The following CD82 variants were observed in gnomAD, a reference collection of about 807,000 sequenced individuals.
The protein encoded by CD82 is CD82 molecule.
In CD82, 36 loss-of-function variants were observed where a neutral mutation model predicts 37.4. The observed-to-expected ratio is 0.96, with a 90% confidence interval of 0.74 to 1.27. The LOEUF (loss-of-function observed/expected upper bound fraction) is 1.27, where lower values mean the gene tolerates loss of function less well. CD82 is among the 50% of genes most tolerant of loss of function. The pLI, the probability that CD82 is intolerant of heterozygous loss-of-function variation, is 0.00. For synonymous variants in CD82, 158 were observed against 137.4 expected (o/e 1.15, Z -1.05); for missense variants, 340 against 347.0 (o/e 0.98, Z 0.16).
Position 44,597,240 on chromosome 11 carries a change from C to G in CD82, c.63+2515C>G, listed in dbSNP as rs1223272273. Among the ~76,000 whole-genome samples, 1 of 152,204 alleles carries G rather than the reference C, an allele frequency of 6.6e-6. No individual in the cohort carries two copies. The highest frequency in any genetic ancestry group is 2.4e-5 in the African/African-American group (1 of 41,456). On this transcript the variant is annotated intron_variant, in intron 3 of 9. Transcript: ENST00000227155. This position sits in a 1 kb window ranked among gnomAD's most constrained non-coding sequence, Gnocchi z 4.1. The stretch of plus-strand genomic sequence containing the variant: ...GACTCCAGACTCCCCAGCGCATTGC[C>G]ACTTTTCTCAGGTCCAAAGGAATGC...
chr11:44,616,790 G>C (rs1853570800), intron 7 of CD82, among the ~76,000 whole-genome samples: 1 of 152,202 alleles, frequency 6.6e-6, no homozygotes. Flanking sequence ...TGTGCTGCTG[G>C]GGACCAGGTA....
intron 6 of CD82, 38 bp downstream of exon 6, chr11:44,605,467 C>T: frequency 1.3e-6 from 2 of 1,577,932 alleles, no homozygotes; most frequent in Non-Finnish European, 8.7e-7. Flanking sequence ...CTGGGCTGGA[C>T]CAACCATGGG....
intron 4 of CD82, among the ~76,000 whole-genome samples, chr11:44,602,672 G>GA (rs58115115): frequency 2.6e-5 from 4 of 151,834 alleles, no homozygotes; most frequent in Admixed American, 6.6e-5. Flanking sequence ...ACTAAAAGGT[G>GA]AAAAAAAAAT....
chr11:44,607,325 G>A (rs1288508856), intron 6 of CD82, among the ~76,000 whole-genome samples: 1 of 152,256 alleles, frequency 6.6e-6, no homozygotes, highest in East Asian at 1.9e-4. Context: ...AGTGGATTTT[G>A]TAGATGAAAA....
chr11:44,603,000 CT>C (rs1853329590), intron 4 of CD82, among the ~76,000 whole-genome samples: 1 of 152,184 alleles, frequency 6.6e-6, no homozygotes, highest in African/African-American at 2.4e-5. Flanking sequence ...AGGCAGGATG[CT>C]TTGGATAAAG....
rs34170190 is a variant in CD82 at position 44,605,107 on chromosome 11, G to A, written c.186G>A (p.Val62=). ...TGGGGGCCTATGTCTTCATCGGCGT[G>A]GGGGCAGTCACTATGCTCATGGGCT... is the stretch of plus-strand genomic sequence containing the variant. ...LRMGAYVFIG[V]GAVTMLMGFL... is the part of the protein sequence containing the mutation. The change falls in exon 5 of 10, where the codon GTG becomes GTA. Residue 62 remains valine (V), a synonymous_variant. Transcript: ENST00000227155. The A allele has an allele frequency of 2.1e-3, 3,327 of 1,614,182 alleles. 75 individuals carry two copies. In the African/African-American group the frequency reaches 0.038, roughly 19 times the overall value.
rs1565097275 is a variant in CD82, at chr11:44,618,715, A to G, written c.718A>G (p.Ile240Val). The part of the protein sequence containing the change: ...IILGVGVGVA[I>V]IELLGMVLSI... ...CCTCGGCGTGGGCGTGGGTGTGGCC[A>G]TCATCGAGGTCTGAGCCCCCTCCCC... is the stretch of plus-strand genomic sequence containing the variant. Residue 240 changes from isoleucine (I) to valine (V), a missense_variant, in exon 9 of 10, where the codon ATC becomes GTC. Coordinates refer to ENST00000227155, the MANE Select transcript of CD82 (RefSeq NM_002231.4). 3 of 1,613,144 alleles carry G rather than the reference A, an allele frequency of 1.9e-6. No homozygotes were observed. The highest frequency in any genetic ancestry group is 2.5e-6 in the Non-Finnish European group (3 of 1,179,502).
At chr11:44,568,234 G>T (rs1157515951) in intron 1 of CD82, among the ~76,000 whole-genome samples, 1 of 152,148 alleles carries the variant, frequency 6.6e-6, no homozygotes, top group East Asian at 1.9e-4. Context: ...AAGGGGTCTG[G>T]GTGGCTTTGG....
In CD82 at chr11:44,605,082, TG is replaced by T; in HGVS notation, c.166del (p.Ala56ProfsTer39). 17 of 1,614,168 alleles carry T rather than the reference TG, an allele frequency of 1.1e-5. No individual in the cohort carries two copies. The highest frequency in any genetic ancestry group is 1.4e-5 in the Non-Finnish European group (16 of 1,180,024). On this transcript the variant is annotated frameshift_variant, in exon 5 of 10. Coordinates refer to ENST00000227155, the MANE Select transcript of CD82 (RefSeq NM_002231.4). LOFTEE classifies it high-confidence loss of function. ...VLQTSSSSLR[M>X]GAYVFIGVGA... ...GAAACCTCCTCCAGCTCGCTTAGGATGGGGGCCTATGTCTTCATCGGCGTGG... is the reference window on the plus strand; with the variant it reads ...GAAACCTCCTCCAGCTCGCTTAGGATGGGGCCTATGTCTTCATCGGCGTGG...
chr11:44,606,929 C>T (rs3758813), intron 6 of CD82: 69,077 of 152,252 alleles, frequency 0.45, 16,576 homozygotes, highest in African/African-American at 0.6. Flanking sequence ...TGGGAGAATC[C>T]CCGTCCTGCA....
intron 6 of CD82, among the ~76,000 whole-genome samples, chr11:44,608,805 G>A (rs771927222): frequency 2.0e-5 from 3 of 152,242 alleles, no homozygotes; most frequent in Non-Finnish European, 4.4e-5. Flanking sequence ...GCCCCCACTA[G>A]TGGGTGTGAT....
In CD82 at chr11:44,605,366, C is replaced by T; in HGVS notation, c.273C>T (p.Phe91=). 1 of 1,614,230 alleles carries T rather than the reference C, an allele frequency of 6.2e-7. No individual in the cohort carries two copies. Among genetic ancestry groups the T allele is most frequent in the Non-Finnish European group, 8.5e-7 (1 of 1,180,038 alleles). Residue 91 remains phenylalanine (F), a synonymous_variant, in exon 6 of 10, where the codon TTC becomes TTT. Transcript: ENST00000227155. ...VRCLLGLYFA[F]LLLILIAQVT... ...CTCTGTGTCCCCAGTACTTTGCTTTCCTGCTCCTGATCCTCATTGCCCAGG... is the reference window on the plus strand; with the variant it reads ...CTCTGTGTCCCCAGTACTTTGCTTTTCTGCTCCTGATCCTCATTGCCCAGG...
At chr11:44,605,215 A>G (rs371730820) in intron 5 of CD82, 33 bp downstream of exon 5, 1 of 1,608,868 alleles carries the variant, frequency 6.2e-7, no homozygotes, top group South Asian at 1.1e-5. Context: ...CTGCCTGCCC[A>G]TTTCCTCTCA....
intron 3 of CD82, among the ~76,000 whole-genome samples, chr11:44,596,373 T>C (rs888717069): frequency 6.6e-6 from 1 of 152,254 alleles, no homozygotes; most frequent in Non-Finnish European, 1.5e-5. Flanking sequence ...CTGGGGGCTT[T>C]AGGGACTAGA....
chr11:44,588,672 G>T (rs546258001), intron 2 of CD82, among the ~76,000 whole-genome samples: 79 of 152,274 alleles, frequency 5.2e-4, no homozygotes, highest in African/African-American at 1.9e-3. Flanking sequence ...TCAGGGAGCT[G>T]CTCTAGTCTC....
intron 3 of CD82, 24 bp downstream of exon 3, chr11:44,594,749 G>T (rs1356210707): frequency 6.3e-7 from 1 of 1,589,282 alleles, no homozygotes; most frequent in South Asian, 1.1e-5. Context: ...ATGCCGTCCT[G>T]ACCACCTCCG....
At chr11:44,578,461 G>A (rs938686692) in intron 1 of CD82, among the ~76,000 whole-genome samples, 1 of 152,060 alleles carries the variant, frequency 6.6e-6, no homozygotes, top group Non-Finnish European at 1.5e-5. Flanking sequence ...ACCTCTGTCT[G>A]TACATCTATA....
In CD82 at chr11:44,596,619, G is replaced by A. The variant is rs114908884; in HGVS notation, c.63+1894G>A. On this transcript the variant is annotated intron_variant, in intron 3 of 9. Transcript: ENST00000227155. ...CTCCTTTTGGCTCCTCCAGGGGCTG[G>A]CAGGAGTCAGGTGTTAACTGTCTGT... 2.6e-3 allele frequency among the ~76,000 whole-genome samples: 393 copies of A among 152,264 alleles called. 2 individuals carry two copies. Among genetic ancestry groups the A allele is most frequent in the African/African-American group, 8.9e-3 (370 of 41,550 alleles).
At chr11:44,590,221 T>C (rs1336824947) in intron 2 of CD82, among the ~76,000 whole-genome samples, 1 of 26,438 alleles carries the variant, frequency 3.8e-5, no homozygotes, top group Non-Finnish European at 7.7e-5. Context: ...AAGGGCCAGA[T>C]AGACCAGTAG....
Sources: allele counts gnomAD v4.1 joint callset (sites outside exome capture counted in the v4.1 genomes callset), GRCh38; gene constraint gnomAD v4.1.1; non-coding constraint Gnocchi (gnomAD v3.1); transcripts MANE v1.5; gene names NCBI Gene and HGNC (gene_info 2026-07-23, HGNC 2026-07-21).